MTTP: variants seen among roughly 807,000 people sequenced by gnomAD.
MTTP encodes the protein microsomal triglyceride transfer protein large subunit.
Under a neutral mutation model 90.6 loss-of-function variants are expected in MTTP, and 49 were observed. The observed-to-expected ratio is 0.54, with a 90% CI of 0.43 to 0.69. The LOEUF is 0.69. Ranked by LOEUF, MTTP falls within the 30% of genes least tolerant of loss-of-function variation. The probability of loss-of-function intolerance (pLI) is 0.00; values close to 1 mark genes in which losing one functional copy is unlikely to be tolerated. For synonymous variants in MTTP, 347 were observed against 384.2 expected, an observed-to-expected ratio of 0.90 and a Z score of 1.13; for missense variants, 945 against 1,067.5, an observed-to-expected ratio of 0.89 and a Z score of 1.60.
chr4:99,610,130 C>A (rs541238235), intron 12 of MTTP, among the ~76,000 whole-genome samples: 1 of 152,090 alleles, frequency 6.6e-6, no homozygotes, highest in Non-Finnish European at 1.5e-5. Flanking sequence ...CTGTAGTCTC[C>A]CAGCAGGTGG....
intron 3 of MTTP, 163 bp downstream of exon 3, chr4:99,583,680 G>C: frequency 1.2e-6 from 1 of 856,314 alleles, no homozygotes. Context: ...TTTCCAAACT[G>C]AATCAATGCC....
At chr4:99,586,777 C>T (rs1327108207) in intron 3 of MTTP, among the ~76,000 whole-genome samples, 4 of 152,016 alleles carry the variant, frequency 2.6e-5, no homozygotes, top group Non-Finnish European at 4.4e-5. Context: ...GCATCTTCTT[C>T]CTAAGGAAAA....
chr4:99,566,267 T>G (rs936198820), intron 1 of MTTP, among the ~76,000 whole-genome samples: 1 of 129,140 alleles, frequency 7.7e-6, no homozygotes, highest in Non-Finnish European at 1.6e-5. Context: ...CCAGCCTGGG[T>G]GACAGAGTGA....
At chr4:99,575,003 T>C (rs1235048541) in intron 1 of MTTP, 33 bp downstream of exon 1, 1 of 1,611,420 alleles carries the variant, frequency 6.2e-7, no homozygotes, top group South Asian at 1.1e-5. Context: ...TAAACTTTAA[T>C]TTCCATCTTT....
At chr4:99,587,533 A>C (rs1560615866) in intron 3 of MTTP, among the ~76,000 whole-genome samples, 1 of 152,156 alleles carries the variant, frequency 6.6e-6, no homozygotes, top group Admixed American at 6.6e-5. Flanking sequence ...GCACAGTCCA[A>C]AGATTAAATC....
At chr4:99,603,575 G>A (rs1725746431) in intron 10 of MTTP, among the ~76,000 whole-genome samples, 1 of 152,102 alleles carries the variant, frequency 6.6e-6, no homozygotes, top group African/African-American at 2.4e-5. Context: ...ATGAGAAAGA[G>A]ATAAGAATCC....
intron 1 of MTTP, among the ~76,000 whole-genome samples, chr4:99,580,635 C>T (rs908207435): frequency 2.0e-5 from 3 of 148,420 alleles, no homozygotes; most frequent in Non-Finnish European, 4.5e-5. Flanking sequence ...CCTGGGTGAC[C>T]TTAGGTAAAT....
chr4:99,606,740 T>G lies in MTTP; in HGVS notation c.1345-8T>G. 6.2e-7 allele frequency: 1 copy of G among 1,612,660 alleles called. No homozygotes were observed. The highest frequency in any genetic ancestry group is 8.5e-7 in the Non-Finnish European group (1 of 1,179,602). ...TCATGCATATATCTAAGGTATATGA[T>G]TTTTCAGGCAGTAGTGGAAGCTAAG... On this transcript the variant is annotated splice_region_variant and splice_polypyrimidine_tract_variant and intron_variant, in intron 10 of 17. Coordinates refer to ENST00000265517, the MANE Select transcript of MTTP (RefSeq NM_001386140.1).
chr4:99,571,995 A>G (rs1724851595), upstream of MTTP, among the ~76,000 whole-genome samples: 1 of 151,738 alleles, frequency 6.6e-6, no homozygotes, highest in South Asian at 2.1e-4. Context: ...GACTTTCTAT[A>G]TCTAGTAGGG....
At chr4:99,571,394 G>C (rs147024550), upstream of MTTP, among the ~76,000 whole-genome samples, 8 of 151,850 alleles carry the variant, frequency 5.3e-5, no homozygotes, top group African/African-American at 1.9e-4. Flanking sequence ...TGTATTTACA[G>C]TAGTCTACTA....
chr4:99,578,312 T>C (rs1216328688), intron 1 of MTTP, among the ~76,000 whole-genome samples: 2 of 152,338 alleles, frequency 1.3e-5, no homozygotes, highest in South Asian at 2.1e-4. Context: ...ACAACAGTTA[T>C]CAAAAAATAT....
chr4:99,583,945 G>A (rs985927364), intron 3 of MTTP: 6 of 218,624 alleles, frequency 2.7e-5, no homozygotes, highest in South Asian at 1.9e-4. Context: ...TGAGATTATC[G>A]ATATCTGGCT....
At chr4:99,577,767 A>G (rs1725004980) in intron 1 of MTTP, among the ~76,000 whole-genome samples, 1 of 152,108 alleles carries the variant, frequency 6.6e-6, no homozygotes, top group South Asian at 2.1e-4. Flanking sequence ...AGTTTTCCCT[A>G]CTTTTTCTTA....
intron 3 of MTTP, among the ~76,000 whole-genome samples, chr4:99,585,361 A>C (rs80241117): frequency 0.013 from 1,987 of 152,254 alleles, 16 homozygotes; most frequent in Non-Finnish European, 0.023. Flanking sequence ...TACAACTGGC[A>C]GGTGGTGGAG....
intron 3 of MTTP, among the ~76,000 whole-genome samples, chr4:99,585,102 A>T (rs1019893144): frequency 5.9e-5 from 9 of 152,186 alleles, no homozygotes; most frequent in African/African-American, 1.9e-4. Context: ...TCTAAAATAA[A>T]GGATAAACAA....
chr4:99,567,973 CA>C (rs1380640581), intron 1 of MTTP, among the ~76,000 whole-genome samples: 2 of 149,042 alleles, frequency 1.3e-5, no homozygotes, highest in African/African-American at 2.5e-5. Context: ...GAATATGAAG[CA>C]AAAAAAAGTG....
At chr4:99,606,407 C>A (rs1306649520) in intron 10 of MTTP, among the ~76,000 whole-genome samples, 1 of 152,124 alleles carries the variant, frequency 6.6e-6, no homozygotes, top group Non-Finnish European at 1.5e-5. Flanking sequence ...CTAATTGTTG[C>A]TTTAGCAATT....
chr4:99,571,490 CTGAT>C, upstream of MTTP, among the ~76,000 whole-genome samples: 1 of 151,920 alleles, frequency 6.6e-6, no homozygotes, highest in South Asian at 2.1e-4. Context: ...TTTATGGTAA[CTGAT>C]ATGATACAAA....
In MTTP at chr4:99,619,114, T is replaced by G. The variant is rs769198082; in HGVS notation, c.2342+16T>G. On this transcript the variant is annotated intron_variant, in intron 16 of 17. Coordinates refer to ENST00000265517, the MANE Select transcript of MTTP (RefSeq NM_001386140.1). ...TGAAAAATAGGTAAGTGTTTATGCA[T>G]TATACATTTATGAATTACATATAAG... is the stretch of plus-strand genomic sequence containing the variant. The G allele has an allele frequency of 1.8e-5, 29 of 1,605,296 alleles. 1 individual carries two copies. The South Asian group carries it at 3.0e-4, about 16-fold the overall frequency.
Sources: gnomAD v4.1 joint callset for allele counts (sites outside exome capture counted in the v4.1 genomes callset) on GRCh38, gnomAD v4.1.1 for gene constraint, MANE v1.5 for transcripts, NCBI Gene and HGNC (gene_info 2026-07-23, HGNC 2026-07-21) for gene names.